Variants in CPNE8 observed in about 807,000 individuals in gnomAD.
CPNE8 encodes the protein copine 8.
A neutral mutation model predicts 81.5 loss-of-function variants in CPNE8; 45 were observed. The ratio of observed to expected loss-of-function variants is 0.55; its 90% confidence interval spans 0.44 to 0.71. The LOEUF is 0.71. CPNE8 is among the 30% of genes least tolerant of loss of function. CPNE8 has a pLI of 0.00. For synonymous variants in CPNE8, 252 were observed against 226.3 expected, an observed-to-expected ratio of 1.11 and a Z score of -1.02; for missense variants, 594 against 672.1, an observed-to-expected ratio of 0.88 and a Z score of 1.28.
At chr12:38,854,675 A>T (rs1017322305) in intron 3 of CPNE8, among the ~76,000 whole-genome samples, 3 of 152,118 alleles carry the variant, frequency 2.0e-5, no homozygotes, top group Non-Finnish European at 4.4e-5. Flanking sequence ...AAACTATATG[A>T]TCAACTCAAT....
intron 11 of CPNE8, 46 bp from the exon 12 acceptor site, chr12:38,724,945 G>T: frequency 6.9e-7 from 1 of 1,453,532 alleles, no homozygotes; most frequent in Non-Finnish European, 9.4e-7. Context: ...GTTTTATACC[G>T]AAGTTTTATA....
In CPNE8 at chr12:38,797,372, G is replaced by A. The variant is rs572166817; in HGVS notation, c.408-21071C>T. On this transcript the variant is annotated intron_variant, in intron 6 of 19. Transcript: ENST00000331366. ...AAAACTTCCAGAGGAACTAGCAGAC[G>A]GCAGCATTCGTGTTTCACGAAAATC... Among the ~76,000 whole-genome samples, 690 of 152,226 alleles carry A rather than the reference G, an allele frequency of 4.5e-3. 3 individuals are homozygous for A. The highest frequency in any genetic ancestry group is 0.017 in the Middle Eastern group (5 of 294).
intron 3 of CPNE8, among the ~76,000 whole-genome samples, chr12:38,857,432 C>A (rs1282057693): frequency 6.7e-6 from 1 of 148,896 alleles, no homozygotes; most frequent in East Asian, 2.1e-4. Context: ...ATTTTTCTTG[C>A]AAAGTACAAC....
At chr12:38,842,248 G>T (rs950339839) in intron 4 of CPNE8, among the ~76,000 whole-genome samples, 1 of 151,964 alleles carries the variant, frequency 6.6e-6, no homozygotes, top group African/African-American at 2.4e-5. Flanking sequence ...TTTTTTAAAG[G>T]TAAGATTGAA....
At chr12:38,855,913 C>T (rs372041366) in intron 3 of CPNE8, among the ~76,000 whole-genome samples, 14 of 151,664 alleles carry the variant, frequency 9.2e-5, no homozygotes, top group African/African-American at 2.9e-4. Context: ...AAGAAAGAGA[C>T]AGAAAGGAAC....
rs959439118 is a variant in CPNE8, at chr12:38,652,560, A to C, written c.*1322T>G. ...AAACCAAGTATTAAATAGAATATATAGGTAAGGAAAAAATATTATAAAGCA... is the reference window on the plus strand; with the variant it reads ...AAACCAAGTATTAAATAGAATATATCGGTAAGGAAAAAATATTATAAAGCA... On this transcript the variant is annotated 3_prime_UTR_variant, in exon 20 of 20. Transcript: ENST00000331366. 1 of 152,576 alleles carries C rather than the reference A, an allele frequency of 6.6e-6. No individual in the cohort carries two copies. Among genetic ancestry groups the C allele is most frequent in the Non-Finnish European group, 1.5e-5 (1 of 68,014 alleles). 9.5% of individuals were successfully genotyped at this position (152,576 alleles called of 1,614,324 possible).
chr12:38,722,489 C>G (rs1258451002), intron 13 of CPNE8, among the ~76,000 whole-genome samples: 1 of 152,140 alleles, frequency 6.6e-6, no homozygotes, highest in Non-Finnish European at 1.5e-5. Flanking sequence ...TTGGTCCCCC[C>G]ACTCCCTCAA....
chr12:38,654,078 A>C lies in CPNE8; in HGVS notation c.1507-8T>G. On this transcript the variant is annotated splice_polypyrimidine_tract_variant and splice_region_variant and intron_variant, in intron 19 of 19. Coordinates refer to ENST00000331366, the MANE Select transcript of CPNE8 (RefSeq NM_153634.3). Reference sequence around the variant, plus strand: ...ATCCCTGAATGGCACAAACTAAAACAGAGACGAAAGAAAGTTATTTCACAG... The same window carrying C: ...ATCCCTGAATGGCACAAACTAAAACCGAGACGAAAGAAAGTTATTTCACAG... The C allele has an allele frequency of 1.3e-6, 2 of 1,577,852 alleles. No individual in the cohort carries two copies. The highest frequency in any genetic ancestry group is 2.3e-5 in the South Asian group (2 of 85,476).
At chr12:38,799,794 G>C (rs1379088686) in intron 6 of CPNE8, among the ~76,000 whole-genome samples, 3 of 141,134 alleles carry the variant, frequency 2.1e-5, no homozygotes, top group Non-Finnish European at 3.2e-5. Flanking sequence ...AGGCCAGTGT[G>C]TGCGCGCACC....
chr12:38,816,696 T>G (rs1943030110), intron 6 of CPNE8, among the ~76,000 whole-genome samples: 1 of 152,228 alleles, frequency 6.6e-6, no homozygotes, highest in Non-Finnish European at 1.5e-5. Flanking sequence ...TGAAATAAAT[T>G]CCTGCTAATG....
chr12:38,745,411 C>T (rs1053066512), intron 10 of CPNE8, among the ~76,000 whole-genome samples: 6 of 152,204 alleles, frequency 3.9e-5, no homozygotes, highest in East Asian at 1.9e-4. Flanking sequence ...TTATTGCATT[C>T]TTGGCAGGAA....
chr12:38,824,931 C>G (rs1284864322), intron 6 of CPNE8, among the ~76,000 whole-genome samples: 1 of 152,082 alleles, frequency 6.6e-6, no homozygotes, highest in Non-Finnish European at 1.5e-5. Flanking sequence ...GTCATGAGGA[C>G]CAGACCATGA....
chr12:38,839,034 G>C (rs1051406829), intron 5 of CPNE8, among the ~76,000 whole-genome samples: 8 of 151,954 alleles, frequency 5.3e-5, no homozygotes, highest in African/African-American at 1.9e-4. Flanking sequence ...TACATTTCTG[G>C]GAACTGTTAG....
chr12:38,730,289 T>C lies in CPNE8; in HGVS notation c.792A>G (p.Val264=). The stretch of plus-strand genomic sequence containing the variant: ...AAAATAAAATGCCTCTTACCTCATA[T>C]ACGTTGAATTGTGACTGCCCTCTAG... The part of the protein sequence containing the change: ...ELSRGQSQFN[V]YEVVNPKKKG... The change falls in exon 11 of 20, where the codon GTA becomes GTG. Residue 264 remains valine (V), a synonymous_variant. Transcript: ENST00000331366. 2 of 1,562,384 alleles carry C rather than the reference T, an allele frequency of 1.3e-6. No individual in the cohort carries two copies. Among genetic ancestry groups the C allele is most frequent in the Middle Eastern group, 1.7e-4 (1 of 5,962 alleles).
At chr12:38,735,219 T>G (rs937324773) in intron 10 of CPNE8, among the ~76,000 whole-genome samples, 1 of 148,906 alleles carries the variant, frequency 6.7e-6, no homozygotes, top group African/African-American at 2.5e-5. Flanking sequence ...TATCAAGATT[T>G]TTGAAAACAG....
chr12:38,701,331 T>C (rs1230470291), intron 14 of CPNE8, among the ~76,000 whole-genome samples: 1 of 152,216 alleles, frequency 6.6e-6, no homozygotes, highest in African/African-American at 2.4e-5. Context: ...GATTATCTGT[T>C]TCTTCTCAAG....
Position 38,799,238 on chromosome 12 carries a change from G to C in CPNE8, c.408-22937C>G, listed in dbSNP as rs1015336200. On this transcript the variant is annotated intron_variant, in intron 6 of 19. Transcript: ENST00000331366. The stretch of plus-strand genomic sequence containing the variant: ...CAGAACTCTCCACCCTAAATCAACA[G>C]AATATACATTTTTTTCAGCACACCA... 2.1e-4 allele frequency among the ~76,000 whole-genome samples: 32 copies of C among 152,058 alleles called. 1 individual carries two copies. Among genetic ancestry groups the C allele is most frequent in the African/African-American group, 7.5e-4 (31 of 41,390 alleles).
At chr12:38,853,572 GA>G (rs888283039) in intron 3 of CPNE8, among the ~76,000 whole-genome samples, 83 of 149,900 alleles carry the variant, frequency 5.5e-4, no homozygotes, top group Non-Finnish European at 9.7e-4. Flanking sequence ...TCAGTTATTT[GA>G]AAAAAAAAGT....
At position 38,904,641 on chromosome 12, in the gene CPNE8, G is replaced by A. The variant is rs193194015; in HGVS notation, c.98+796C>T. 8.4e-4 allele frequency among the ~76,000 whole-genome samples: 127 copies of A among 152,000 alleles called. No homozygotes were observed. The East Asian group carries it at 9.3e-3, about 11-fold the overall frequency. On this transcript the variant is annotated intron_variant, in intron 1 of 19. Coordinates refer to ENST00000331366, the MANE Select transcript of CPNE8 (RefSeq NM_153634.3). ...GTGCCACCACGTCCGGCTAATTTTT[G>A]CATTTTTAGTAGAGACGGAGTTTCA...
Sources: gnomAD v4.1 joint callset for allele counts (sites outside exome capture counted in the v4.1 genomes callset) on GRCh38, gnomAD v4.1.1 for gene constraint, MANE v1.5 for transcripts, NCBI Gene and HGNC (gene_info 2026-07-23, HGNC 2026-07-21) for gene names.